MMEL1: variants seen among roughly 807,000 people sequenced by gnomAD.
MMEL1 encodes the protein membrane metalloendopeptidase like 1.
A neutral mutation model predicts 117.1 loss-of-function variants in MMEL1; 98 were observed. That is an observed-to-expected ratio of 0.84 (90% confidence interval 0.71 to 0.99). The LOEUF is 0.99. Ranked by LOEUF, MMEL1 falls within the 50% of genes least tolerant of loss-of-function variation. The pLI, the probability that MMEL1 is intolerant of heterozygous loss-of-function variation, is 0.00. For missense variants in MMEL1, 1,014 were observed against 1,049.1 expected (o/e 0.97, Z 0.46); for synonymous variants, 390 against 415.1 (o/e 0.94, Z 0.74).
intron 3 of MMEL1, 82 bp from the exon 4 acceptor site, chr1:2,611,422 C>T: frequency 2.2e-6 from 1 of 446,126 alleles, no homozygotes; most frequent in Non-Finnish European, 3.0e-6. Flanking sequence ...GGGGCAAGGT[C>T]TGGTGGGTGT....
chr1:2,603,236 C>A (rs557009845), intron 11 of MMEL1, among the ~76,000 whole-genome samples: 1 of 152,330 alleles, frequency 6.6e-6, no homozygotes, highest in East Asian at 1.9e-4. Context: ...CCCCCTTCTG[C>A]CCTTGCCCTC....
rs757350462 is a variant in MMEL1, at chr1:2,606,345, C to T, written c.653G>A (p.Arg218Gln). 58 of 1,612,010 alleles carry T rather than the reference C, an allele frequency of 3.6e-5. No homozygotes were observed. The highest frequency in any genetic ancestry group is 7.7e-5 in the South Asian group (7 of 91,082). The change falls in exon 8 of 24, where the codon CGG becomes CAG. Residue 218 changes from arginine to glutamine, a missense_variant. Arg to Gln is a conservative substitution (Grantham distance 43). Coordinates refer to ENST00000378412, the MANE Select transcript of MMEL1 (RefSeq NM_033467.4). The part of the protein sequence containing the change: ...ETVGLEWELE[R>Q]QLALMNSQFN... ...CTGTGAGTTCATCAGCGCCAGCTGC[C>T]GCTCCAGCTCCCACTCGAGTCCTGG...
At chr1:2,606,021 C>A (rs1178671659) in intron 8 of MMEL1, among the ~76,000 whole-genome samples, 1 of 152,212 alleles carries the variant, frequency 6.6e-6, no homozygotes, top group East Asian at 1.9e-4. Context: ...CCCCTCTGAC[C>A]AGAACCGGGT....
In MMEL1 at chr1:2,596,449, G is replaced by A; in HGVS notation, c.1401+112C>T. On this transcript the variant is annotated intron_variant, in intron 14 of 23. Coordinates refer to ENST00000378412, the MANE Select transcript of MMEL1 (RefSeq NM_033467.4). ...TTCCCTTAGCCTCCCTCTGTCTGGT[G>A]AGCTGGGGCAGGTGCCCCTGAGCCT... is the stretch of plus-strand genomic sequence containing the variant. 2.8e-6 allele frequency: 4 copies of A among 1,441,838 alleles called. No homozygotes were observed. The South Asian group carries it at 5.2e-5, about 19-fold the overall frequency. The allele number at this position is 1,441,838 out of a possible 1,614,324, so 89.3% of individuals were successfully genotyped here.
chr1:2,617,381 C>T (rs112219735), intron 2 of MMEL1, among the ~76,000 whole-genome samples: 1,744 of 141,292 alleles, frequency 0.012, 40 homozygotes, highest in African/African-American at 0.045. Flanking sequence ...GAGCCGAGAT[C>T]GCGCCACTGC....
chr1:2,604,310 G>A (rs529829951), intron 9 of MMEL1, 29 bp from the exon 10 acceptor site: 1 of 1,609,670 alleles, frequency 6.2e-7, no homozygotes, highest in Non-Finnish European at 8.5e-7. Flanking sequence ...GGCAGAGCTG[G>A]GTGGCCTCAG....
In MMEL1 at chr1:2,593,848, G is replaced by T. The variant is rs552778482; in HGVS notation, c.1833C>A (p.Ile611=). ...ALNFGGIGMV[I]GHEITHGFDD... ...CAAAGCCGTGCGTGATCTCGTGCCC[G>T]ATCACCATCCCAATGCCTCCAAAGT... Residue 611 remains isoleucine, a synonymous_variant, in exon 19 of 24, where the codon ATC becomes ATA. Coordinates refer to ENST00000378412, the MANE Select transcript of MMEL1 (RefSeq NM_033467.4). The T allele has an allele frequency of 8.1e-6, 13 of 1,612,048 alleles. No homozygotes were observed. The East Asian group carries it at 2.9e-4, about 36-fold the overall frequency.
intron 6 of MMEL1, 27 bp downstream of exon 6, chr1:2,609,312 G>C (rs759634438): frequency 6.3e-7 from 1 of 1,599,070 alleles, no homozygotes; most frequent in Admixed American, 1.7e-5. Context: ...CCCCTGCCTC[G>C]GCCCCTTCCT....
chr1:2,594,320 T>C, intron 18 of MMEL1, 65 bp downstream of exon 18: 1 of 1,495,606 alleles, frequency 6.7e-7, no homozygotes, highest in Non-Finnish European at 9.1e-7. Flanking sequence ...GGCAGGGGGC[T>C]GCAAGCCACC....
At position 2,632,903 on chromosome 1, in the gene MMEL1, G is replaced by A. The variant is rs981425865; in HGVS notation, c.-75C>T. 1.0e-6 allele frequency: 1 copy of A among 985,654 alleles called. No homozygotes were observed. 61.1% of individuals were successfully genotyped at this position (985,654 alleles called of 1,614,324 possible). ...AGGAGTGGCTGCCGCCCACAGTCAG[G>A]CCCCTGGAGACTGGGTCCCAGTGGG... On this transcript the variant is annotated 5_prime_UTR_variant, in exon 1 of 24. Coordinates refer to ENST00000378412, the MANE Select transcript of MMEL1 (RefSeq NM_033467.4).
chr1:2,627,970 G>T (rs751273154), intron 2 of MMEL1, among the ~76,000 whole-genome samples: 43 of 152,322 alleles, frequency 2.8e-4, no homozygotes, highest in Non-Finnish European at 4.4e-4. Flanking sequence ...GGCAGGGAGG[G>T]TCTCTCTGGG....
Position 2,603,157 on chromosome 1 carries a change from G to T in MMEL1, c.1041+727C>A, listed in dbSNP as rs2100938760. 2.0e-5 allele frequency among the ~76,000 whole-genome samples: 3 copies of T among 152,288 alleles called. No individual in the cohort carries two copies. In the South Asian group the frequency reaches 6.2e-4, roughly 32 times the overall value. Reference sequence around the variant, plus strand: ...GCTCTCCCCAGAGTCTCTCTGTCTTGCCCTTGGCAAGAGCTGTGGCTCCAG... The same window carrying T: ...GCTCTCCCCAGAGTCTCTCTGTCTTTCCCTTGGCAAGAGCTGTGGCTCCAG... On this transcript the variant is annotated intron_variant, in intron 11 of 23. Transcript: ENST00000378412.
rs1249363453 is a variant in MMEL1, at chr1:2,609,555, C to T, written c.454+115G>A. ...GGTCTTTATTCCCTCTCCTCTGCGCCCACTGGACCAAGGAGGAAGCACAAA... is the reference window on the plus strand; with the variant it reads ...GGTCTTTATTCCCTCTCCTCTGCGCTCACTGGACCAAGGAGGAAGCACAAA... On this transcript the variant is annotated intron_variant, in intron 5 of 23. Coordinates refer to ENST00000378412, the MANE Select transcript of MMEL1 (RefSeq NM_033467.4). The T allele has an allele frequency of 3.3e-6, 5 of 1,522,182 alleles. No homozygotes were observed. The Admixed American group carries it at 9.0e-5, about 27-fold the overall frequency. 94.3% of individuals were successfully genotyped at this position (1,522,182 alleles called of 1,614,324 possible).
chr1:2,592,766 C>T (rs745368), intron 20 of MMEL1, 46 bp from the exon 21 acceptor site: 578,993 of 1,608,760 alleles, frequency 0.36, 109,103 homozygotes, highest in African/African-American at 0.57. Context: ...CCTGACTTCC[C>T]TCTCCCTCAG....
At chr1:2,622,447 G>T (rs1156571292) in intron 2 of MMEL1, among the ~76,000 whole-genome samples, 1 of 152,066 alleles carries the variant, frequency 6.6e-6, no homozygotes, top group Non-Finnish European at 1.5e-5. Flanking sequence ...TCAGAAAAAA[G>T]AAAAATTATT....
intron 2 of MMEL1, among the ~76,000 whole-genome samples, chr1:2,622,571 T>C (rs141671370): frequency 0.01 from 1,564 of 152,222 alleles, 13 homozygotes; most frequent in Non-Finnish European, 0.015. Context: ...TGATCTGTGG[T>C]AGGTAAAAAG....
chr1:2,608,538 CATACACAT>C (rs1645067731), intron 6 of MMEL1, among the ~76,000 whole-genome samples: 1 of 124,848 alleles, frequency 8.0e-6, no homozygotes, highest in Non-Finnish European at 1.6e-5. Flanking sequence ...CACATACACA[CATACACAT>C]ACACACATAT....
intron 2 of MMEL1, among the ~76,000 whole-genome samples, chr1:2,628,073 T>C (rs1638352867): frequency 6.6e-6 from 1 of 152,222 alleles, no homozygotes; most frequent in Non-Finnish European, 1.5e-5. Flanking sequence ...AGCCTTGTTT[T>C]ATGAAAGCCT....
chr1:2,609,544 CT>C, intron 5 of MMEL1, 125 bp from the exon 6 acceptor site: 1 of 1,513,852 alleles, frequency 6.6e-7, no homozygotes, highest in Non-Finnish European at 9.0e-7. Flanking sequence ...TTTATTCCCT[CT>C]CCTCTGCGCC....
Sources: gnomAD v4.1 joint callset for allele counts (sites outside exome capture counted in the v4.1 genomes callset) on GRCh38, gnomAD v4.1.1 for gene constraint, MANE v1.5 for transcripts, NCBI Gene and HGNC (gene_info 2026-07-23, HGNC 2026-07-21) for gene names.